ANKHD1: variants seen among roughly 807,000 people sequenced by gnomAD.
ANKHD1 encodes ankyrin repeat and KH domain-containing protein 1.
In ANKHD1, 31 loss-of-function variants were observed where a neutral mutation model predicts 230.5. The ratio of observed to expected loss-of-function variants is 0.13; its 90% CI spans 0.10 to 0.18. ANKHD1 has a LOEUF of 0.18. Among genes scored for constraint, ANKHD1 ranks in the 10% least tolerant of loss-of-function variants. The pLI is 1.00. For synonymous variants in ANKHD1, 1,074 were observed against 1,117.6 expected, an observed-to-expected ratio of 0.96 and a Z score of 0.78; for missense variants, 2,256 against 3,071.3, an observed-to-expected ratio of 0.73 and a Z score of 6.27.
chr5:140,496,499 A>C, intron 14 of ANKHD1, 21 bp from the exon 15 acceptor site: 1 of 1,305,470 alleles, frequency 7.7e-7, no homozygotes, highest in Non-Finnish European at 9.8e-7. Flanking sequence ...GCACTCTTTC[A>C]AACATTTTTC....
intron 7 of ANKHD1, among the ~76,000 whole-genome samples, chr5:140,450,550 T>C (rs1469259103): frequency 6.6e-6 from 1 of 151,864 alleles, no homozygotes; most frequent in Non-Finnish European, 1.5e-5. Context: ...CTCTCTCTCT[T>C]TATTTTGAAG....
intron 24 of ANKHD1, among the ~76,000 whole-genome samples, chr5:140,520,458 T>G (rs1371204458): frequency 6.6e-6 from 1 of 152,116 alleles, no homozygotes; most frequent in Non-Finnish European, 1.5e-5. Flanking sequence ...TAAATCATGC[T>G]ACTATAAAGA....
At chr5:140,422,724 C>T (rs141931319) in intron 1 of ANKHD1, among the ~76,000 whole-genome samples, 16 of 150,976 alleles carry the variant, frequency 1.1e-4, no homozygotes, top group African/African-American at 3.6e-4. Context: ...GCTGGAGAAT[C>T]GCTTGAACCT....
At position 140,512,863 on chromosome 5, in the gene ANKHD1, A is replaced by G. The variant is rs1185691539; in HGVS notation, c.4140A>G (p.Glu1380=). 2.5e-6 allele frequency: 4 copies of G among 1,603,488 alleles called. No homozygotes were observed. In the South Asian group the frequency reaches 4.5e-5, roughly 18 times the overall value. Reference sequence around the variant, plus strand: ...AAGTTGTTCAATATTTGGTAAAGGAAGTAAATCAGTTCCCTTCTGATATAG... The same window carrying G: ...AAGTTGTTCAATATTTGGTAAAGGAGGTAAATCAGTTCCCTTCTGATATAG... ...HVKVVQYLVK[E]VNQFPSDIEC... Residue 1380 remains glutamate (E), a synonymous_variant, in exon 23 of 34, where the codon GAA becomes GAG. Transcript: ENST00000360839.
At chr5:140,429,503 A>G (rs1772853656) in intron 1 of ANKHD1, among the ~76,000 whole-genome samples, 1 of 152,214 alleles carries the variant, frequency 6.6e-6, no homozygotes, top group Non-Finnish European at 1.5e-5. Flanking sequence ...AAAATTTCAT[A>G]ATCCAATTCC....
Position 140,496,830 on chromosome 5 carries a change from A to C in ANKHD1, c.2556A>C (p.Gln852His), listed in dbSNP as rs752533416. ...ERQLQMKTQQ[Q>H]FTKEYLETKG... is the part of the protein sequence containing the mutation. ...AGTTGCAGATGAAAACACAGCAGCA[A>C]TTTACCAAAGAATACTTGGAAACCA... is the stretch of plus-strand genomic sequence containing the variant. Residue 852 changes from glutamine to histidine, a missense_variant, in exon 15 of 34, where the codon CAA (glutamine) becomes CAC (histidine). Physicochemically the swap from Gln to His is conservative, Grantham distance 24. Transcript: ENST00000360839. The C allele has an allele frequency of 1.3e-5, 21 of 1,614,024 alleles. No homozygotes were observed. In the Admixed American group the frequency reaches 2.5e-4, roughly 19 times the overall value.
At chr5:140,447,905 A>G (rs1032547267) in intron 6 of ANKHD1, among the ~76,000 whole-genome samples, 11 of 152,324 alleles carry the variant, frequency 7.2e-5, no homozygotes, top group African/African-American at 2.2e-4. Context: ...TTGGCTACAC[A>G]TAACTGCAAG....
At chr5:140,483,452 C>CTTTTTTTTT (rs369245406) in intron 11 of ANKHD1, among the ~76,000 whole-genome samples, 1 of 110,610 alleles carries the variant, frequency 9.0e-6, no homozygotes, top group African/African-American at 3.5e-5. Context: ...AAGATTTTAT[C>CTTTTTTTTT]TTTTTTTTTT....
At chr5:140,538,333 T>G in intron 32 of ANKHD1, 72 bp downstream of exon 32, 1 of 1,556,276 alleles carries the variant, frequency 6.4e-7, no homozygotes, top group Admixed American at 2.0e-5. Flanking sequence ...AGGAATACCT[T>G]GTATTGAAAT....
intron 1 of ANKHD1, among the ~76,000 whole-genome samples, chr5:140,433,622 T>C (rs1773226569): frequency 6.6e-6 from 1 of 152,176 alleles, no homozygotes; most frequent in Admixed American, 6.5e-5. Flanking sequence ...TCTTATTTCT[T>C]CTACCACATT....
chr5:140,519,959 AG>A (rs1189939283), intron 24 of ANKHD1, among the ~76,000 whole-genome samples: 289 of 152,208 alleles, frequency 1.9e-3, no homozygotes, highest in African/African-American at 6.4e-3. Context: ...GCTTCTGCAC[AG>A]CAAAAGAAAC....
intron 1 of ANKHD1, among the ~76,000 whole-genome samples, chr5:140,430,865 A>C (rs747176069): frequency 7.9e-5 from 12 of 151,944 alleles, no homozygotes; most frequent in Non-Finnish European, 1.8e-4. Flanking sequence ...AGGTCTCACT[A>C]TGTTGCCCAG....
chr5:140,419,119 T>A (rs1350013993), intron 1 of ANKHD1, among the ~76,000 whole-genome samples: 1 of 152,088 alleles, frequency 6.6e-6, no homozygotes, highest in African/African-American at 2.4e-5. Context: ...TAACATTTGT[T>A]ATTTTTCTTT....
chr5:140,433,868 T>C lies in ANKHD1; in HGVS notation c.307-2236T>C, dbSNP rs569240062. On this transcript the variant is annotated intron_variant, in intron 1 of 33. Transcript: ENST00000360839. ...TGTCCTTCCAACTGGCAGGTATGTATATCTGCAAATATCTCTTAATTTCTT... is the reference window on the plus strand; with the variant it reads ...TGTCCTTCCAACTGGCAGGTATGTACATCTGCAAATATCTCTTAATTTCTT... 2.3e-4 allele frequency among the ~76,000 whole-genome samples: 35 copies of C among 152,316 alleles called. No homozygotes were observed. The East Asian group carries it at 6.0e-3, about 26-fold the overall frequency.
chr5:140,511,097 T>C (rs1036308287), intron 22 of ANKHD1, among the ~76,000 whole-genome samples: 2 of 152,176 alleles, frequency 1.3e-5, no homozygotes, highest in African/African-American at 4.8e-5. Flanking sequence ...AGTGCTGAGA[T>C]ATGGGCGTGA....
chr5:140,496,947 T>A lies in ANKHD1; in HGVS notation c.2673T>A (p.Asp891Glu). 6.2e-7 allele frequency: 1 copy of A among 1,614,138 alleles called. No individual in the cohort carries two copies. The highest frequency in any genetic ancestry group is 8.5e-7 in the Non-Finnish European group (1 of 1,180,016). ...EGEGDGSLPE[D>E]HFSELPQVDT... ...AAGGAGATGGTAGTCTCCCAGAGGA[T>A]CACTTTTCAGAGTTACCTCAGGTTG... Residue 891 changes from aspartate (D) to glutamate (E), a missense_variant, in exon 15 of 34, where the codon GAT becomes GAA. Transcript: ENST00000360839.
In ANKHD1 at chr5:140,408,731, C is replaced by T. The variant is rs142387958; in HGVS notation, c.306+6458C>T. Among the ~76,000 whole-genome samples the T allele has an allele frequency of 6.0e-4, 92 of 152,130 alleles. 1 individual carries two copies. In the East Asian group the frequency reaches 0.017, roughly 28 times the overall value. On this transcript the variant is annotated intron_variant, in intron 1 of 33. Transcript: ENST00000360839. ...TATGTGTTTTGAGAGATGGGGGTCT[C>T]GCTTTTTTGCCCAGGCTGGCTGTTG...
In ANKHD1 at chr5:140,526,419, C is replaced by T; in HGVS notation, c.4916C>T (p.Thr1639Ile). ...LLHSQEEKTSTATSKTQTRLE... is the reference protein window; with the variant it reads ...LLHSQEEKTSIATSKTQTRLE... ...CATTCCCAAGAAGAAAAGACAAGTACTGCTACTTCCAAAACTCAGACACGG... is the reference window on the plus strand; with the variant it reads ...CATTCCCAAGAAGAAAAGACAAGTATTGCTACTTCCAAAACTCAGACACGG... Residue 1639 changes from threonine to isoleucine, a missense_variant, in exon 26 of 34, where the codon ACT becomes ATT. Physicochemically the swap from Thr to Ile is moderately conservative, Grantham distance 89. Coordinates refer to ENST00000360839, the MANE Select transcript of ANKHD1 (RefSeq NM_017747.3). 1.9e-6 allele frequency: 3 copies of T among 1,610,806 alleles called. No individual in the cohort carries two copies. The highest frequency in any genetic ancestry group is 2.2e-5 in the East Asian group (1 of 44,856).
Position 140,437,165 on chromosome 5 carries a change from A to G in ANKHD1, c.460+908A>G, listed in dbSNP as rs76260464. Among the ~76,000 whole-genome samples, 1,294 of 152,326 alleles carry G rather than the reference A, an allele frequency of 8.5e-3. 12 individuals are homozygous for G. The highest frequency in any genetic ancestry group is 0.03 in the African/African-American group (1,227 of 41,576). The stretch of plus-strand genomic sequence containing the variant: ...TTTCCCCATATAATTTATTGTGGGT[A>G]TCCTTCCATGACAGTTTATGTTGAT... On this transcript the variant is annotated intron_variant, in intron 2 of 33. Coordinates refer to ENST00000360839, the MANE Select transcript of ANKHD1 (RefSeq NM_017747.3).
Sources: gnomAD v4.1 joint callset for allele counts (sites outside exome capture counted in the v4.1 genomes callset) on GRCh38, gnomAD v4.1.1 for gene constraint, MANE v1.5 for transcripts, NCBI Gene and HGNC (gene_info 2026-07-23, HGNC 2026-07-21) for gene names.